CDH13: variants seen among roughly 807,000 people sequenced by gnomAD.
CDH13 encodes cadherin-13.
Under a neutral mutation model 63.8 loss-of-function variants are expected in CDH13, and 24 were observed. The ratio of observed to expected loss-of-function variants is 0.38; its 90% CI spans 0.27 to 0.53. The LOEUF (loss-of-function observed/expected upper bound fraction) is 0.53, where lower values mean the gene tolerates loss of function less well. Ranked by LOEUF, CDH13 falls within the 20% of genes least tolerant of loss-of-function variation. CDH13 has a pLI of 0.85. For missense variants in CDH13, 1,049 were observed against 903.1 expected, an observed-to-expected ratio of 1.16 and a Z score of -2.07; for synonymous variants, 503 against 355.3, an observed-to-expected ratio of 1.42 and a Z score of -4.67.
rs1457735243 is a variant in CDH13 at position 83,800,108 on chromosome 16, T to C, written c.*5078T>C. On this transcript the variant is annotated 3_prime_UTR_variant, in exon 14 of 14. Transcript: ENST00000567109. ...ACGCCTTTGAACCATTTTATTTGAC[T>C]TTCCACGTGCCGTCTCATTGGTAGG... 2 of 152,300 alleles carry C rather than the reference T, an allele frequency of 1.3e-5. No homozygotes were observed. The highest frequency in any genetic ancestry group is 3.9e-4 in the East Asian group (2 of 5,190). 9.4% of individuals were successfully genotyped at this position (152,300 alleles called of 1,614,324 possible). A position where few individuals can be genotyped will look rare whatever the true frequency, so the allele number is the denominator to read the frequency against.
In CDH13 at chr16:82,816,624, G is replaced by A. The variant is rs2099255915; in HGVS notation, c.46-41738G>A. On this transcript the variant is annotated intron_variant, in intron 1 of 13. Transcript: ENST00000567109. ...TATAAAAATCCTGAGAATGGAGAGT[G>A]CCTGGTGTGTCTGAGGAAGCCCAAG... Among the ~76,000 whole-genome samples the A allele has an allele frequency of 2.6e-5, 4 of 152,098 alleles. No individual in the cohort carries two copies. In the South Asian group the frequency reaches 8.3e-4, roughly 32 times the overall value.
intron 3 of CDH13, among the ~76,000 whole-genome samples, chr16:83,065,598 G>A (rs530541133): frequency 1.2e-4 from 19 of 152,020 alleles, no homozygotes; most frequent in Admixed American, 8.5e-4. Context: ...CCAGCTAGTC[G>A]GGAGGCTAAG....
rs539788779 is a variant in CDH13 at position 83,629,675 on chromosome 16, A to G, written c.1101+27081A>G. On this transcript the variant is annotated intron_variant, in intron 8 of 13. Transcript: ENST00000567109. The stretch of plus-strand genomic sequence containing the variant: ...CTCCCTCATTTATCACTCTGGGGAC[A>G]TAAACGAGAAGTCTACTCTCCACTT... Among the ~76,000 whole-genome samples the G allele has an allele frequency of 5.8e-4, 89 of 152,356 alleles. 2 individuals are homozygous for G. The South Asian group carries it at 0.016, about 28-fold the overall frequency.
At chr16:82,727,975 G>A (rs545699478) in intron 1 of CDH13, among the ~76,000 whole-genome samples, 59 of 152,260 alleles carry the variant, frequency 3.9e-4, no homozygotes, top group Non-Finnish European at 5.9e-4. Flanking sequence ...AGAAAAGTTA[G>A]AATCTTCCCT....
intron 7 of CDH13, among the ~76,000 whole-genome samples, chr16:83,579,284 A>T (rs938216381): frequency 3.9e-5 from 6 of 152,166 alleles, no homozygotes; most frequent in African/African-American, 1.4e-4. Flanking sequence ...CTACACTGTC[A>T]TTGTGTTAGT....
At chr16:83,476,128 G>A (rs1257909678) in intron 6 of CDH13, among the ~76,000 whole-genome samples, 1 of 152,080 alleles carries the variant, frequency 6.6e-6, no homozygotes, top group African/African-American at 2.4e-5. Context: ...ATTCACTTGT[G>A]CATTTGGCAA....
intron 7 of CDH13, among the ~76,000 whole-genome samples, chr16:83,517,610 G>C (rs72791457): frequency 6.6e-6 from 1 of 152,194 alleles, no homozygotes; most frequent in Non-Finnish European, 1.5e-5. Context: ...GGTGAGAAAT[G>C]TGAGGGAACA....
chr16:83,231,483 G>C (rs558726205), intron 5 of CDH13, among the ~76,000 whole-genome samples: 131 of 152,322 alleles, frequency 8.6e-4, no homozygotes, highest in African/African-American at 2.8e-3. Flanking sequence ...TTGAGGTAGT[G>C]AGTCCCCTCA....
intron 3 of CDH13, among the ~76,000 whole-genome samples, chr16:83,037,708 T>C (rs141528610): frequency 6.6e-6 from 1 of 152,234 alleles, no homozygotes; most frequent in African/African-American, 2.4e-5. Context: ...GAGTACAAAT[T>C]TGAAGGAAGA....
At chr16:83,277,318 G>T (rs1559439) in intron 5 of CDH13, among the ~76,000 whole-genome samples, 3 of 151,950 alleles carry the variant, frequency 2.0e-5, no homozygotes, top group African/African-American at 7.3e-5. Flanking sequence ...AAGGTTGTCA[G>T]ATAACTATGT....
At chr16:83,539,012 A>G (rs1259524510) in intron 7 of CDH13, among the ~76,000 whole-genome samples, 1 of 152,142 alleles carries the variant, frequency 6.6e-6, no homozygotes, top group Non-Finnish European at 1.5e-5. Flanking sequence ...TATTAAACCA[A>G]GATTCATTGT....
intron 6 of CDH13, among the ~76,000 whole-genome samples, chr16:83,407,170 A>G (rs1420894031): frequency 6.6e-6 from 1 of 152,104 alleles, no homozygotes; most frequent in African/African-American, 2.4e-5. Context: ...CAAAACTCCC[A>G]TTTTCCTATG....
At chr16:82,642,091 C>A (rs1283015670) in intron 1 of CDH13, among the ~76,000 whole-genome samples, 930 of 109,790 alleles carry the variant, frequency 8.5e-3, no homozygotes, top group Admixed American at 0.01. Context: ...TCATGGAGGG[C>A]AAAAAAAAAA....
chr16:83,607,782 C>G (rs1908481829), intron 8 of CDH13, among the ~76,000 whole-genome samples: 1 of 152,140 alleles, frequency 6.6e-6, no homozygotes, highest in Non-Finnish European at 1.5e-5. Flanking sequence ...TAGTTTTGAA[C>G]TTCTTACATA....
chr16:83,227,290 G>A (rs922245508), intron 5 of CDH13, among the ~76,000 whole-genome samples: 7 of 152,184 alleles, frequency 4.6e-5, no homozygotes, highest in Non-Finnish European at 7.3e-5. Flanking sequence ...TTCAGGGGTG[G>A]GTCACCGTGG....
chr16:83,347,010 A>T (rs1310783441), intron 6 of CDH13, among the ~76,000 whole-genome samples: 1 of 152,184 alleles, frequency 6.6e-6, no homozygotes, highest in Non-Finnish European at 1.5e-5. Flanking sequence ...TAAAGCACGC[A>T]GTGAAATAGA....
intron 1 of CDH13, among the ~76,000 whole-genome samples, chr16:82,628,260 G>T (rs1907593398): frequency 6.6e-6 from 1 of 152,210 alleles, no homozygotes; most frequent in South Asian, 2.1e-4. Context: ...AAGAGCCAGG[G>T]CAGGGCAGGG....
intron 5 of CDH13, among the ~76,000 whole-genome samples, chr16:83,261,254 G>C (rs866366626): frequency 7.2e-5 from 11 of 152,122 alleles, no homozygotes; most frequent in South Asian, 2.1e-4. Context: ...TGAGAGGAAG[G>C]TAAGTGCTTT....
intron 1 of CDH13, among the ~76,000 whole-genome samples, chr16:82,852,264 G>C (rs533427091): frequency 1.3e-5 from 2 of 152,290 alleles, no homozygotes; most frequent in African/African-American, 4.8e-5. Flanking sequence ...TTCTGCCCTT[G>C]TTCCATGGAT....
Sources: gnomAD v4.1 joint callset for allele counts (sites outside exome capture counted in the v4.1 genomes callset) on GRCh38, gnomAD v4.1.1 for gene constraint, MANE v1.5 for transcripts, NCBI Gene and HGNC (gene_info 2026-07-23, HGNC 2026-07-21) for gene names.